NEMP1: variants seen among roughly 807,000 people sequenced by gnomAD.
The protein encoded by NEMP1 is transmembrane protein 194.
A neutral mutation model predicts 53.7 loss-of-function variants in NEMP1; 29 were observed. The ratio of observed to expected loss-of-function variants is 0.54; its 90% CI spans 0.40 to 0.74. NEMP1 has a LOEUF of 0.74. NEMP1 is among the 30% of genes least tolerant of loss of function. NEMP1 has a pLI of 0.00. For synonymous variants in NEMP1, 193 were observed against 192.9 expected, an observed-to-expected ratio of 1.00 and a Z score of 0.00; for missense variants, 477 against 528.6, an observed-to-expected ratio of 0.90 and a Z score of 0.96.
At chr12:57,070,325 T>C (rs2032285713) in intron 3 of NEMP1, among the ~76,000 whole-genome samples, 1 of 152,276 alleles carries the variant, frequency 6.6e-6, no homozygotes, top group South Asian at 2.1e-4. Flanking sequence ...TACCTTTGTC[T>C]AGAAGTGTCC....
chr12:57,064,787 A>G, intron 4 of NEMP1, 48 bp from the exon 5 acceptor site: 2 of 1,416,524 alleles, frequency 1.4e-6, no homozygotes, highest in Non-Finnish European at 9.9e-7. Flanking sequence ...TATTTCATAC[A>G]TAGCACTGTT....
At chr12:57,083,428 C>A (rs916498553), upstream of NEMP1, among the ~76,000 whole-genome samples, 2 of 152,216 alleles carry the variant, frequency 1.3e-5, no homozygotes, top group Non-Finnish European at 2.9e-5. Flanking sequence ...TCATTATCTG[C>A]AGGTGGATTG....
At chr12:57,085,860 C>T (rs926717627) in intron 1 of NEMP1, among the ~76,000 whole-genome samples, 6 of 152,180 alleles carry the variant, frequency 3.9e-5, no homozygotes, top group Admixed American at 1.3e-4. Context: ...AGGCTCAGCC[C>T]CTTTGGGAGT....
rs1304045320 is a variant in NEMP1, at chr12:57,057,365, C to T, written c.*2514G>A. 1 of 152,228 alleles carries T rather than the reference C, an allele frequency of 6.6e-6. No homozygotes were observed. Among genetic ancestry groups the T allele is most frequent in the Non-Finnish European group, 1.5e-5 (1 of 68,054 alleles). 9.4% of individuals were successfully genotyped at this position (152,228 alleles called of 1,614,324 possible). On this transcript the variant is annotated 3_prime_UTR_variant, in exon 9 of 9. Coordinates refer to ENST00000300128, the MANE Select transcript of NEMP1 (RefSeq NM_001130963.2). ...GAGAGATGAGACTGTACTGAAATCACAAGAGCTATAACTGCCAGAGAAAAA... is the reference window on the plus strand; with the variant it reads ...GAGAGATGAGACTGTACTGAAATCATAAGAGCTATAACTGCCAGAGAAAAA...
At chr12:57,086,102 G>T (rs188308142) in intron 1 of NEMP1, among the ~76,000 whole-genome samples, 1 of 152,284 alleles carries the variant, frequency 6.6e-6, no homozygotes, top group Admixed American at 6.5e-5. Flanking sequence ...AGGAGAGGGT[G>T]AGCCAAACCT....
chr12:57,059,928 T>C lies in NEMP1; in HGVS notation c.1286A>G (p.Asp429Gly). 6.2e-7 allele frequency: 1 copy of C among 1,610,914 alleles called. No homozygotes were observed. Among genetic ancestry groups the C allele is most frequent in the African/African-American group, 1.4e-5 (1 of 73,824 alleles). The change falls in exon 9 of 9, where the codon GAC (aspartate) becomes GGC (glycine). Residue 429 changes from aspartate to glycine, a missense_variant. By Grantham distance (94) the Asp-to-Gly change is moderately conservative. Coordinates refer to ENST00000300128, the MANE Select transcript of NEMP1 (RefSeq NM_001130963.2). ...IYEEASSEEEDSYSRCPAITQ... is the reference protein window; with the variant it reads ...IYEEASSEEEGSYSRCPAITQ... ...GATAGCAGGACACCGAGAATATGAG[T>C]CCTCCTCCTCAGAGGATGCTTCCTC...
At chr12:57,065,800 C>T (rs1325288548) in intron 4 of NEMP1, among the ~76,000 whole-genome samples, 2 of 152,004 alleles carry the variant, frequency 1.3e-5, no homozygotes, top group Non-Finnish European at 2.9e-5. Context: ...CACGCCTAGC[C>T]TACCTTGCAC....
Position 57,063,148 on chromosome 12 carries a change from G to T in NEMP1, c.951C>A (p.His317Gln), listed in dbSNP as rs749819211. The change falls in exon 7 of 9, where the codon CAC becomes CAA. Residue 317 changes from histidine to glutamine, a missense_variant. Coordinates refer to ENST00000300128, the MANE Select transcript of NEMP1 (RefSeq NM_001130963.2). ...AGGTGATGTACAGCCACTGAATAGG[G>T]TGTTCCAGGTTCTTAGTACAAAGAG... ...IIALCTKNLE[H>Q]PIQWLYITCR... 6.2e-7 allele frequency: 1 copy of T among 1,613,890 alleles called. No individual in the cohort carries two copies. Among genetic ancestry groups the T allele is most frequent in the African/African-American group, 1.3e-5 (1 of 74,910 alleles).
chr12:57,060,652 C>T (rs754593379), intron 8 of NEMP1, 120 bp downstream of exon 8: 44 of 1,043,360 alleles, frequency 4.2e-5, no homozygotes, highest in Non-Finnish European at 6.1e-5. Context: ...CTCTTGACTA[C>T]TTGAAGATTA....
At position 57,069,716 on chromosome 12, in the gene NEMP1, T is replaced by C. The variant is rs76984703; in HGVS notation, c.473-410A>G. On this transcript the variant is annotated intron_variant, in intron 3 of 8. Transcript: ENST00000300128. ...TGTGGGTCAGGGCCTTGTGTTGTTC[T>C]CTAACTGGCTGCTTTTCTTGCCCAA... is the stretch of plus-strand genomic sequence containing the variant. 4.2e-4 allele frequency among the ~76,000 whole-genome samples: 64 copies of C among 151,832 alleles called. 1 individual carries two copies. The East Asian group carries it at 0.012, about 29-fold the overall frequency.
intron 4 of NEMP1, among the ~76,000 whole-genome samples, chr12:57,066,777 T>C (rs2032099112): frequency 6.7e-6 from 1 of 150,090 alleles, no homozygotes; most frequent in African/African-American, 2.5e-5. Flanking sequence ...TGGTGGGAGA[T>C]AATTGAATCA....
chr12:57,088,204 T>C (rs1176453345), upstream of NEMP1: 1 of 152,228 alleles, frequency 6.6e-6, no homozygotes, highest in Non-Finnish European at 1.5e-5. Flanking sequence ...AGTGGAGGAA[T>C]CCCTGCCTGA....
At chr12:57,067,616 A>C (rs2032153257) in intron 4 of NEMP1, among the ~76,000 whole-genome samples, 1 of 152,186 alleles carries the variant, frequency 6.6e-6, no homozygotes, top group East Asian at 1.9e-4. Flanking sequence ...AAGTACAATA[A>C]AGTGATGTGT....
upstream of NEMP1, among the ~76,000 whole-genome samples, chr12:57,081,604 ACACATTAGTTTAAAAAAACGAGGCTGGG>A (rs1490263718): frequency 6.6e-6 from 1 of 151,006 alleles, no homozygotes; most frequent in Non-Finnish European, 1.5e-5. Flanking sequence ...GAACAGAAAA[ACACATTAGTTTAAAAAAACGAGGCTGGG>A]CACGGTGGCT....
chr12:57,060,047 A>G lies in NEMP1; in HGVS notation c.1167T>C (p.Phe389=), dbSNP rs1452735245. ...RIQSPKRFAD[F]VEGSSHLTPN... Reference sequence around the variant, plus strand: ...GCGTGAGGTGGGAAGAGCCTTCCACAAAGTCAGCAAATCTGGAAAAGAGAA... The same window carrying G: ...GCGTGAGGTGGGAAGAGCCTTCCACGAAGTCAGCAAATCTGGAAAAGAGAA... Residue 389 remains phenylalanine, a synonymous_variant, in exon 9 of 9, where the codon TTT becomes TTC. Transcript: ENST00000300128. 8 of 1,613,658 alleles carry G rather than the reference A, an allele frequency of 5.0e-6. No homozygotes were observed. In the Admixed American group the frequency reaches 8.4e-5, roughly 17 times the overall value.
chr12:57,088,615 T>C (rs1207998751), upstream of NEMP1, among the ~76,000 whole-genome samples: 2 of 152,116 alleles, frequency 1.3e-5, no homozygotes, highest in Admixed American at 1.3e-4. Flanking sequence ...TCTGTGTCTT[T>C]GTGTACTTGT....
intron 1 of NEMP1, among the ~76,000 whole-genome samples, chr12:57,076,667 C>G (rs1167799795): frequency 6.6e-6 from 1 of 152,054 alleles, no homozygotes; most frequent in East Asian, 1.9e-4. Flanking sequence ...GTTAGCCAGG[C>G]ATGGTGGCAT....
In NEMP1 at chr12:57,069,234, C is replaced by A; in HGVS notation, c.545G>T (p.Arg182Ile). 1.3e-6 allele frequency: 2 copies of A among 1,544,784 alleles called. No homozygotes were observed. The highest frequency in any genetic ancestry group is 1.2e-5 in the South Asian group (1 of 82,382). ...TCTGCACACTAGCCTTGGAACCTAC[C>A]TGCTCAGCAAGTCTCCACAAAAAAA... Reference protein sequence around the residue: ...MLFFCGDLLSRSQIFYYSTGM... With the variant: ...MLFFCGDLLSISQIFYYSTGM... Residue 182 changes from arginine (R) to isoleucine (I), a missense_variant and splice_region_variant, in exon 4 of 9, where the codon AGA (arginine) becomes ATA (isoleucine). Coordinates refer to ENST00000300128, the MANE Select transcript of NEMP1 (RefSeq NM_001130963.2).
At position 57,078,716 on chromosome 12, in the gene NEMP1, C is replaced by G. The variant is rs1382258638; in HGVS notation, c.30G>C (p.Ser10=). Residue 10 remains serine (S), a synonymous_variant, in exon 1 of 9, where the codon TCG becomes TCC. Coordinates refer to ENST00000300128, the MANE Select transcript of NEMP1 (RefSeq NM_001130963.2). MAGGMKVAV[S]PAVGPGPWGS... ...CCCAGGGCCCGGGACCAACTGCCGG[C>G]GAGACCGCCACTTTCATTCCTCCCG... 6 of 1,612,372 alleles carry G rather than the reference C, an allele frequency of 3.7e-6. No individual in the cohort carries two copies. In the African/African-American group the frequency reaches 6.7e-5, roughly 18 times the overall value.
Sources: gnomAD v4.1 joint callset for allele counts (sites outside exome capture counted in the v4.1 genomes callset) on GRCh38, gnomAD v4.1.1 for gene constraint, MANE v1.5 for transcripts, NCBI Gene and HGNC (gene_info 2026-07-23, HGNC 2026-07-21) for gene names.